The following C4orf51 variants were observed in gnomAD, a reference collection of about 807,000 sequenced individuals.
C4orf51 encodes the protein uncharacterized protein C4orf51.
C4orf51 carries 25 observed loss-of-function variants against 25.2 expected under a neutral mutation model. The observed-to-expected ratio is 0.99, with a 90% CI of 0.72 to 1.39. The LOEUF (loss-of-function observed/expected upper bound fraction) is 1.39. Among genes scored for constraint, C4orf51 ranks in the 40% most tolerant of loss-of-function variants. C4orf51 has a pLI of 0.00. For missense variants in C4orf51, 252 were observed against 239.6 expected (o/e 1.05, Z -0.34); for synonymous variants, 100 against 84.5 (o/e 1.18, Z -1.01).
chr4:145,738,752 A>C (rs1464619459), intron 1 of C4orf51, among the ~76,000 whole-genome samples: 1 of 151,918 alleles, frequency 6.6e-6, no homozygotes, highest in Non-Finnish European at 1.5e-5. Flanking sequence ...TGATGCTCCC[A>C]CCTCAGCCTC....
chr4:145,761,885 A>G lies in C4orf51; in HGVS notation n.167-9103A>G, dbSNP rs1329956820. Among the ~76,000 whole-genome samples the G allele has an allele frequency of 1.3e-5, 2 of 152,144 alleles. No individual in the cohort carries two copies. The highest frequency in any genetic ancestry group is 2.9e-5 in the Non-Finnish European group (2 of 68,004). ...CCAGCCCTCACCAAGGGGAGCAGAG[A>G]AAGTGCCAGGAATCAATTTGCTGGT... is the stretch of plus-strand genomic sequence containing the variant. On this transcript the variant is annotated intron_variant and non_coding_transcript_variant, in intron 1 of 1. Transcript: ENST00000510096. This position sits in a 1 kb window ranked among gnomAD's most constrained non-coding sequence, Gnocchi z 6.8.
At chr4:145,729,986 C>A in intron 5 of C4orf51, 21 bp downstream of exon 5, 2 of 1,606,678 alleles carry the variant, frequency 1.2e-6, no homozygotes, top group Middle Eastern at 1.7e-4. Flanking sequence ...TTTTACTTGC[C>A]ATGCAACAGT....
At chr4:145,723,179 G>A (rs1277859489) in intron 2 of C4orf51, among the ~76,000 whole-genome samples, 5 of 152,032 alleles carry the variant, frequency 3.3e-5, no homozygotes, top group African/African-American at 1.2e-4. Flanking sequence ...AAAGGTTGGG[G>A]ACTGCTGCAT....
intron 2 of C4orf51, among the ~76,000 whole-genome samples, chr4:145,709,624 CA>C (rs1731025367): frequency 6.6e-6 from 1 of 152,222 alleles, no homozygotes; most frequent in African/African-American, 2.4e-5. Flanking sequence ...GACAGTCTGG[CA>C]GGTGTGCAAG....
chr4:145,707,640 T>G (rs183055391), intron 2 of C4orf51, among the ~76,000 whole-genome samples: 1 of 152,202 alleles, frequency 6.6e-6, no homozygotes. Context: ...ATTTTTGCCC[T>G]AAAGAGGTGT....
chr4:145,693,012 C>T (rs1325253897), intron 1 of C4orf51, among the ~76,000 whole-genome samples: 2 of 66,818 alleles, frequency 3.0e-5, no homozygotes, highest in Non-Finnish European at 5.4e-5. Context: ...AACAATTTTT[C>T]ACCTGTTTTT....
intron 1 of C4orf51, among the ~76,000 whole-genome samples, chr4:145,686,269 T>G (rs987456516): frequency 6.6e-6 from 1 of 152,226 alleles, no homozygotes. Context: ...TGGGGAGTTA[T>G]TGTTTAATGA....
chr4:145,705,662 C>G (rs1242185154), intron 2 of C4orf51, among the ~76,000 whole-genome samples: 1 of 152,102 alleles, frequency 6.6e-6, no homozygotes, highest in Admixed American at 6.5e-5. Flanking sequence ...GAGACAGGGA[C>G]AGGATTTTGC....
intron 4 of C4orf51, among the ~76,000 whole-genome samples, chr4:145,729,531 G>A (rs1031271644): frequency 1.3e-5 from 2 of 151,974 alleles, no homozygotes; most frequent in Non-Finnish European, 2.9e-5. Context: ...TCGATCTTCC[G>A]ACCTTGTGAT....
chr4:145,770,195 G>A (rs960732786), intron 1 of C4orf51, among the ~76,000 whole-genome samples: 1 of 152,012 alleles, frequency 6.6e-6, no homozygotes, highest in East Asian at 1.9e-4. Flanking sequence ...GCTACTCAGG[G>A]GGCTGAGACA....
At chr4:145,768,269 A>G (rs535463162) in intron 1 of C4orf51, among the ~76,000 whole-genome samples, 26 of 152,092 alleles carry the variant, frequency 1.7e-4, no homozygotes, top group African/African-American at 6.0e-4. Flanking sequence ...GGTTCAAGCA[A>G]TTTTCCTGCC....
Position 145,732,770 on chromosome 4 carries a change from C to A in C4orf51, c.*210C>A. The A allele has an allele frequency of 2.3e-6, 1 of 426,606 alleles. No individual in the cohort carries two copies. Among genetic ancestry groups the A allele is most frequent in the Non-Finnish European group, 4.1e-6 (1 of 241,606 alleles). 26.4% of individuals were successfully genotyped at this position (426,606 alleles called of 1,614,324 possible). On this transcript the variant is annotated 3_prime_UTR_variant, in exon 6 of 6. Coordinates refer to ENST00000438731, the MANE Select transcript of C4orf51 (RefSeq NM_001080531.3). ...GGAGAGAGACAAAAGTTTTTATAAT[C>A]TTTATTAAATTTTCCTTTTTAAATA...
chr4:145,774,487 G>A (rs1736747971), downstream of C4orf51: 1 of 1,603,376 alleles, frequency 6.2e-7, no homozygotes, highest in Non-Finnish European at 8.5e-7. Flanking sequence ...GTGTGAGAAG[G>A]ACAGACAGGA....
At chr4:145,757,245 C>A (rs982480308), downstream of C4orf51, among the ~76,000 whole-genome samples, 7 of 152,166 alleles carry the variant, frequency 4.6e-5, no homozygotes, top group Non-Finnish European at 8.8e-5. Flanking sequence ...TGCCCAACTT[C>A]ATTAAGATAA....
chr4:145,786,281 T>G, the C4orf51 span, among the ~76,000 whole-genome samples: 3 of 152,194 alleles, frequency 2.0e-5, no homozygotes, highest in Non-Finnish European at 4.4e-5. Context: ...CTGTATTCCC[T>G]GACAAAACAG....
At chr4:145,749,063 G>GTATATATA (rs142948635) in intron 1 of C4orf51, among the ~76,000 whole-genome samples, 6,085 of 139,562 alleles carry the variant, frequency 0.044, 156 homozygotes, top group Non-Finnish European at 0.07. Context: ...GTGTGTGTGT[G>GTATATATA]TGTATATATA....
intron 1 of C4orf51, among the ~76,000 whole-genome samples, chr4:145,683,673 T>C (rs559839258): frequency 5.3e-5 from 8 of 152,208 alleles, no homozygotes; most frequent in Non-Finnish European, 1.2e-4. Flanking sequence ...CAAATGGTGC[T>C]GGAACAACTA....
At chr4:145,740,366 T>A (rs1345727214) in intron 1 of C4orf51, among the ~76,000 whole-genome samples, 1 of 151,974 alleles carries the variant, frequency 6.6e-6, no homozygotes, top group Non-Finnish European at 1.5e-5. Flanking sequence ...ATGCTATATT[T>A]TCCATTTTTG....
At chr4:145,711,661 G>T (rs113869887) in intron 2 of C4orf51, among the ~76,000 whole-genome samples, 119 of 152,034 alleles carry the variant, frequency 7.8e-4, no homozygotes, top group African/African-American at 2.7e-3. Flanking sequence ...TCTGCTTTGA[G>T]TACACAGATT....
Sources: gnomAD v4.1 joint callset for allele counts (sites outside exome capture counted in the v4.1 genomes callset) on GRCh38, gnomAD v4.1.1 for gene constraint, Gnocchi (gnomAD v3.1) non-coding constraint, MANE v1.5 for transcripts, NCBI Gene and HGNC (gene_info 2026-07-23, HGNC 2026-07-21) for gene names.